The following MAPKAPK2 variants were observed in gnomAD, a reference collection of about 807,000 sequenced individuals.
MAPKAPK2 encodes the protein MAP kinase-activated protein kinase 2.
A neutral mutation model predicts 48.8 loss-of-function variants in MAPKAPK2; 9 were observed. That is an observed-to-expected ratio of 0.18 (90% confidence interval 0.11 to 0.32). The LOEUF (loss-of-function observed/expected upper bound fraction) is 0.32, where lower values mean the gene tolerates loss of function less well. Among genes scored for constraint, MAPKAPK2 ranks in the 10% least tolerant of loss-of-function variants. The pLI is 1.00. For synonymous variants in MAPKAPK2, 202 were observed against 190.6 expected (o/e 1.06, Z -0.49); for missense variants, 331 against 498.3 (o/e 0.66, Z 3.20).
chr1:206,722,085 G>C (rs1471439308), intron 1 of MAPKAPK2, among the ~76,000 whole-genome samples: 2 of 150,408 alleles, frequency 1.3e-5, no homozygotes, highest in Admixed American at 1.3e-4. Context: ...AAAAGGCCAG[G>C]CACGGTGGCT....
Position 206,697,975 on chromosome 1 carries a change from C to T in MAPKAPK2, c.279+12467C>T, listed in dbSNP as rs575916917. Among the ~76,000 whole-genome samples the T allele has an allele frequency of 5.9e-5, 9 of 152,360 alleles. 1 individual carries two copies. The highest frequency in any genetic ancestry group is 1.9e-4 in the African/African-American group (8 of 41,578). ...ACTTGACCTTGAAGGACTCCTGCAC[C>T]GAAAGCCTTTCATCACTGTTGTTGC... On this transcript the variant is annotated intron_variant, in intron 1 of 9. Coordinates refer to ENST00000367103, the MANE Select transcript of MAPKAPK2 (RefSeq NM_032960.4).
At chr1:206,729,137 C>T in intron 3 of MAPKAPK2, 38 bp downstream of exon 3, 1 of 1,602,466 alleles carries the variant, frequency 6.2e-7, no homozygotes, top group Non-Finnish European at 8.5e-7. Context: ...TGCAGGCAGG[C>T]AGGGCAGTGG....
intron 1 of MAPKAPK2, among the ~76,000 whole-genome samples, chr1:206,710,702 C>T (rs1673115846): frequency 6.6e-6 from 1 of 152,150 alleles, no homozygotes; most frequent in African/African-American, 2.4e-5. Flanking sequence ...TTAAAGGCAC[C>T]TTGAAGATAT....
At chr1:206,696,430 A>G (rs1001943786) in intron 1 of MAPKAPK2, among the ~76,000 whole-genome samples, 39 of 152,204 alleles carry the variant, frequency 2.6e-4, no homozygotes, top group African/African-American at 9.4e-4. Flanking sequence ...CAGGCCAGGC[A>G]TGGTGGCTCA....
chr1:206,712,417 C>A (rs1271681522), intron 1 of MAPKAPK2, among the ~76,000 whole-genome samples: 3 of 152,184 alleles, frequency 2.0e-5, no homozygotes, highest in African/African-American at 7.2e-5. Flanking sequence ...GGCTTCAGAA[C>A]CTTGGCTCTC....
chr1:206,721,829 T>C (rs782172853), intron 1 of MAPKAPK2, among the ~76,000 whole-genome samples: 1 of 152,172 alleles, frequency 6.6e-6, no homozygotes, highest in Non-Finnish European at 1.5e-5. Context: ...AAACTTTTGA[T>C]CTGAGTTGGG....
At chr1:206,730,586 G>GATAGGCTGAAAGGTT in intron 5 of MAPKAPK2, 102 bp from the exon 6 acceptor site, 1 of 1,016,314 alleles carries the variant, frequency 9.8e-7, no homozygotes, top group Admixed American at 1.8e-5. Context: ...GCCACCTCAT[G>GATAGGCTGAAAGGTT]ATAGGCTGAA....
intron 1 of MAPKAPK2, among the ~76,000 whole-genome samples, chr1:206,717,577 T>TGCCAGGCCTGGGG (rs1673375698): frequency 6.6e-6 from 1 of 152,142 alleles, no homozygotes; most frequent in Non-Finnish European, 1.5e-5. Flanking sequence ...TAGGGTTACA[T>TGCCAGGCCTGGGG]CCTCTGGGAA....
Position 206,685,463 on chromosome 1 carries a change from T to C in MAPKAPK2, c.234T>C (p.Val78=), listed in dbSNP as rs1553425443. 1.3e-6 allele frequency: 2 copies of C among 1,538,960 alleles called. No homozygotes were observed. The highest frequency in any genetic ancestry group is 3.7e-5 in the Admixed American group (2 of 54,142). The change falls in exon 1 of 10, where the codon GTT becomes GTC. Residue 78 remains valine (V), a synonymous_variant. Transcript: ENST00000367103. The part of the protein sequence containing the change: ...QVLGLGINGK[V]LQIFNKRTQE... Reference sequence around the variant, plus strand: ...TGGGGCTGGGCATCAACGGCAAAGTTTTGCAGATCTTCAACAAGAGGACCC... The same window carrying C: ...TGGGGCTGGGCATCAACGGCAAAGTCTTGCAGATCTTCAACAAGAGGACCC...
chr1:206,697,675 C>A (rs61815611), intron 1 of MAPKAPK2, among the ~76,000 whole-genome samples: 5,032 of 152,280 alleles, frequency 0.033, 195 homozygotes, highest in South Asian at 0.21. Flanking sequence ...CCGGGCCCCA[C>A]CTCCAACACT....
intron 1 of MAPKAPK2, among the ~76,000 whole-genome samples, chr1:206,694,547 A>T (rs1672557368): frequency 6.6e-6 from 1 of 152,192 alleles, no homozygotes; most frequent in Non-Finnish European, 1.5e-5. Context: ...GGCTTCTGTG[A>T]TTCCTAGAAG....
rs1373552362 is a variant in MAPKAPK2 at position 206,704,860 on chromosome 1, G to A, written c.279+19352G>A. ...CCAAGTGGTAGGAGAGCTATGTTCAGGGAACTGGGTGAACTTGGAAGAAGG... is the reference window on the plus strand; with the variant it reads ...CCAAGTGGTAGGAGAGCTATGTTCAAGGAACTGGGTGAACTTGGAAGAAGG... On this transcript the variant is annotated intron_variant, in intron 1 of 9. Transcript: ENST00000367103. The surrounding 1 kb of genome is among the most constrained non-coding windows in gnomAD (Gnocchi z 4.3). Among the ~76,000 whole-genome samples, 1 of 152,162 alleles carries A rather than the reference G, an allele frequency of 6.6e-6. No individual in the cohort carries two copies. Among genetic ancestry groups the A allele is most frequent in the East Asian group, 1.9e-4 (1 of 5,200 alleles).
intron 1 of MAPKAPK2, among the ~76,000 whole-genome samples, chr1:206,698,976 A>G (rs1327914164): frequency 6.6e-6 from 1 of 152,216 alleles, no homozygotes; most frequent in African/African-American, 2.4e-5. Context: ...TGACTCCATT[A>G]TAATTGGGTA....
rs188715005 is a variant in MAPKAPK2, at chr1:206,718,680, A to C, written c.280-10030A>C. Reference sequence around the variant, plus strand: ...CTGCCTCTTTCTTCTACGACACCGCACGTTTTCCATTGTATGGATTTGCTG... The same window carrying C: ...CTGCCTCTTTCTTCTACGACACCGCCCGTTTTCCATTGTATGGATTTGCTG... On this transcript the variant is annotated intron_variant, in intron 1 of 9. Coordinates refer to ENST00000367103, the MANE Select transcript of MAPKAPK2 (RefSeq NM_032960.4). Among the ~76,000 whole-genome samples the C allele has an allele frequency of 5.5e-4, 84 of 152,092 alleles. 2 individuals are homozygous for C. In the East Asian group the frequency reaches 0.012, roughly 22 times the overall value.
chr1:206,700,003 CTTT>C (rs574216957), intron 1 of MAPKAPK2, among the ~76,000 whole-genome samples: 1 of 126,310 alleles, frequency 7.9e-6, no homozygotes, highest in African/African-American at 2.9e-5. Context: ...CTTCTTCTTA[CTTT>C]TTTTTTTTTT....
chr1:206,699,236 A>C (rs1672723539), intron 1 of MAPKAPK2, among the ~76,000 whole-genome samples: 1 of 152,118 alleles, frequency 6.6e-6, no homozygotes, highest in African/African-American at 2.4e-5. Flanking sequence ...TTTGTATCTG[A>C]AGGAAGAGTT....
intron 1 of MAPKAPK2, among the ~76,000 whole-genome samples, chr1:206,721,344 C>T (rs2102406764): frequency 6.6e-6 from 1 of 152,262 alleles, no homozygotes; most frequent in Non-Finnish European, 1.5e-5. Flanking sequence ...TACAGATTAC[C>T]CAGTCTCAGG....
At chr1:206,724,722 G>T (rs563258960) in intron 1 of MAPKAPK2, among the ~76,000 whole-genome samples, 21 of 152,224 alleles carry the variant, frequency 1.4e-4, no homozygotes, top group African/African-American at 4.6e-4. Context: ...GTCACTGGGG[G>T]AGAGAGTTTA....
At position 206,733,341 on chromosome 1, in the gene MAPKAPK2, G is replaced by A. The variant is rs1553433116; in HGVS notation, c.*623G>A. Reference sequence around the variant, plus strand: ...GTATGAGTGCGCAGATCTGTGCCTGGGATCGTGCATTTGAGGGGCCAGGGG... The same window carrying A: ...GTATGAGTGCGCAGATCTGTGCCTGAGATCGTGCATTTGAGGGGCCAGGGG... On this transcript the variant is annotated 3_prime_UTR_variant, in exon 10 of 10. Coordinates refer to ENST00000367103, the MANE Select transcript of MAPKAPK2 (RefSeq NM_032960.4). 1 of 152,730 alleles carries A rather than the reference G, an allele frequency of 6.5e-6. No homozygotes were observed. The highest frequency in any genetic ancestry group is 2.4e-5 in the African/African-American group (1 of 41,426). The allele number at this position is 152,730 out of a possible 1,614,324, so 9.5% of individuals were successfully genotyped here. A position where few individuals can be genotyped will look rare whatever the true frequency, so the allele number is the denominator to read the frequency against.
Sources: allele counts gnomAD v4.1 joint callset (sites outside exome capture counted in the v4.1 genomes callset), GRCh38; gene constraint gnomAD v4.1.1; non-coding constraint Gnocchi (gnomAD v3.1); transcripts MANE v1.5; gene names NCBI Gene and HGNC (gene_info 2026-07-23, HGNC 2026-07-21).